Variants in PAH observed in about 807,000 individuals in gnomAD.
PAH encodes phenylalanine hydroxylase.
PAH carries 64 observed loss-of-function variants against 62.0 expected under a neutral mutation model. The ratio of observed to expected loss-of-function variants is 1.03; its 90% CI spans 0.84 to 1.27. The LOEUF (loss-of-function observed/expected upper bound fraction) is 1.27. Ranked by LOEUF, PAH falls within the 50% of genes most tolerant of loss-of-function variation. The probability of loss-of-function intolerance (pLI) is 0.00; values close to 1 mark genes in which losing one functional copy is unlikely to be tolerated. For missense variants in PAH, 579 were observed against 542.8 expected, an observed-to-expected ratio of 1.07 and a Z score of -0.66; for synonymous variants, 195 against 196.2, an observed-to-expected ratio of 0.99 and a Z score of 0.05.
intron 3 of PAH, among the ~76,000 whole-genome samples, chr12:102,881,101 C>T (rs190345800): frequency 5.3e-5 from 8 of 151,014 alleles, no homozygotes; most frequent in Non-Finnish European, 1.0e-4. Context: ...GCAACCTACG[C>T]CTCCCGGGTT....
At position 102,889,667 on chromosome 12, in the gene PAH, A is replaced by G. The variant is rs574955195; in HGVS notation, c.352+5068T>C. ...CCCCACCAGGACCCTTATAATCACC[A>G]TAGATTAAACAAAACCCAACAGATA... is the stretch of plus-strand genomic sequence containing the variant. On this transcript the variant is annotated intron_variant, in intron 3 of 12. Transcript: ENST00000553106. 2.0e-5 allele frequency among the ~76,000 whole-genome samples: 3 copies of G among 152,304 alleles called. No homozygotes were observed. The South Asian group carries it at 6.2e-4, about 32-fold the overall frequency.
chr12:102,866,642 G>A lies in PAH; in HGVS notation c.463C>T (p.Arg155Cys), dbSNP rs539743701. Residue 155 changes from arginine (R) to cysteine (C), a missense_variant, in exon 5 of 13, where the codon CGT (arginine) becomes TGT (cysteine). Transcript: ENST00000553106. ...DHPGFKDPVY[R>C]ARRKQFADIA... is the part of the protein sequence containing the mutation. The stretch of plus-strand genomic sequence containing the variant: ...TCAGCAAACTGCTTCCGTCTTGCAC[G>A]GTACACAGGATCTTTAAAACCCTAG... 1.2e-5 allele frequency: 20 copies of A among 1,613,570 alleles called. No individual in the cohort carries two copies. The highest frequency in any genetic ancestry group is 9.9e-5 in the South Asian group (9 of 91,072).
chr12:102,921,783 G>A (rs975702852), upstream of PAH, among the ~76,000 whole-genome samples: 4 of 152,214 alleles, frequency 2.6e-5, no homozygotes, highest in African/African-American at 9.6e-5. Context: ...ACAATCAATT[G>A]TCTTTTGGGA....
At chr12:102,946,306 C>T (rs1240721609) in intron 1 of PAH, among the ~76,000 whole-genome samples, 1 of 152,246 alleles carries the variant, frequency 6.6e-6, no homozygotes, top group African/African-American at 2.4e-5. Context: ...TCCACTGGCT[C>T]TGAGCCCAGC....
At chr12:102,850,026 T>G (rs1875077740) in intron 8 of PAH, among the ~76,000 whole-genome samples, 1 of 152,228 alleles carries the variant, frequency 6.6e-6, no homozygotes, top group South Asian at 2.1e-4. Context: ...TAAGGAGGAC[T>G]GCCACTTAGC....
chr12:102,937,028 A>G (rs1879124112), intron 1 of PAH, among the ~76,000 whole-genome samples: 1 of 152,152 alleles, frequency 6.6e-6, no homozygotes, highest in African/African-American at 2.4e-5. Context: ...ATGATTTTAT[A>G]AGGGGCTTTT....
At position 102,859,336 on chromosome 12, in the gene PAH, C is replaced by T. The variant is rs531678735; in HGVS notation, c.510-4004G>A. On this transcript the variant is annotated intron_variant, in intron 5 of 12. Coordinates refer to ENST00000553106, the MANE Select transcript of PAH (RefSeq NM_000277.3). ...CTGAAATTGAGGCAATAATTAATAG[C>T]CTACCCACCAAAAAAAGTACAGGAC... Among the ~76,000 whole-genome samples, 4 of 152,236 alleles carry T rather than the reference C, an allele frequency of 2.6e-5. No individual in the cohort carries two copies. The East Asian group carries it at 7.7e-4, about 29-fold the overall frequency.
At chr12:102,917,651 T>C, upstream of PAH, 2 of 212,890 alleles carry the variant, frequency 9.4e-6, no homozygotes, top group Non-Finnish European at 9.6e-6. Flanking sequence ...TGTTTTCCCT[T>C]CTGTTAACCT....
At chr12:102,947,232 G>A (rs1221146649) in intron 1 of PAH, among the ~76,000 whole-genome samples, 1 of 152,024 alleles carries the variant, frequency 6.6e-6, no homozygotes. Context: ...AAGACTTGGT[G>A]GTTGTGGAGT....
intron 1 of PAH, chr12:102,914,619 A>C (rs926542004): frequency 5.3e-5 from 8 of 152,180 alleles, no homozygotes; most frequent in Admixed American, 5.2e-4. Flanking sequence ...CTTCCTACTA[A>C]AGAATACTGA....
At chr12:102,942,316 A>G (rs887279923) in intron 1 of PAH, among the ~76,000 whole-genome samples, 6 of 152,166 alleles carry the variant, frequency 3.9e-5, no homozygotes, top group African/African-American at 1.2e-4. Flanking sequence ...AATCACATTC[A>G]CAATAGCCAC....
At chr12:102,906,209 G>C (rs576640523) in intron 2 of PAH, among the ~76,000 whole-genome samples, 2 of 152,196 alleles carry the variant, frequency 1.3e-5, no homozygotes, top group South Asian at 4.1e-4. Flanking sequence ...GCAATAATAA[G>C]CATATATTCT....
chr12:102,913,914 T>C, intron 1 of PAH: 5 of 693,588 alleles, frequency 7.2e-6, no homozygotes, highest in South Asian at 6.1e-5. Flanking sequence ...GTGTCCACAA[T>C]AAGCAGCAGG....
intron 3 of PAH, among the ~76,000 whole-genome samples, chr12:102,893,051 G>A (rs1255708417): frequency 6.6e-6 from 1 of 152,176 alleles, no homozygotes; most frequent in Non-Finnish European, 1.5e-5. Context: ...AAAGACCTGG[G>A]AACTCTCTGT....
chr12:102,931,489 G>A (rs1592997094), intron 1 of PAH, among the ~76,000 whole-genome samples: 1 of 152,146 alleles, frequency 6.6e-6, no homozygotes, highest in African/African-American at 2.4e-5. Flanking sequence ...GAAAGGAGAG[G>A]TAAGGATGTC....
intron 1 of PAH, among the ~76,000 whole-genome samples, chr12:102,955,915 A>G (rs1879897045): frequency 1.3e-5 from 2 of 152,280 alleles, no homozygotes; most frequent in South Asian, 2.1e-4. Context: ...ATTTGGTCCT[A>G]TACCTCTGAA....
intron 2 of PAH, among the ~76,000 whole-genome samples, chr12:102,898,069 G>C (rs1236222987): frequency 6.6e-6 from 1 of 152,202 alleles, no homozygotes; most frequent in Non-Finnish European, 1.5e-5. Context: ...CCAACACAAA[G>C]ATTTCAACCT....
intron 2 of PAH, among the ~76,000 whole-genome samples, chr12:102,906,377 T>G (rs1877978656): frequency 6.6e-6 from 1 of 152,146 alleles, no homozygotes; most frequent in Non-Finnish European, 1.5e-5. Context: ...AAAGAAATTT[T>G]TGCATATTAC....
chr12:102,887,060 G>T (rs941989972), intron 3 of PAH, among the ~76,000 whole-genome samples: 2 of 152,030 alleles, frequency 1.3e-5, no homozygotes, highest in African/African-American at 4.8e-5. Context: ...AGGAAAGAGA[G>T]AATTCCTGGG....
Sources: gnomAD v4.1 joint callset for allele counts (sites outside exome capture counted in the v4.1 genomes callset) on GRCh38, gnomAD v4.1.1 for gene constraint, MANE v1.5 for transcripts, NCBI Gene and HGNC (gene_info 2026-07-23, HGNC 2026-07-21) for gene names.